Variants in GPR158 observed in about 807,000 individuals in gnomAD.
GPR158 encodes the protein metabotropic glycine receptor.
A neutral mutation model predicts 78.2 loss-of-function variants in GPR158; 30 were observed. The ratio of observed to expected loss-of-function variants is 0.38; its 90% CI spans 0.29 to 0.52. GPR158 has a LOEUF of 0.52. Ranked by LOEUF, GPR158 falls within the 20% of genes least tolerant of loss-of-function variation. The probability of loss-of-function intolerance (pLI) is 0.83; values close to 1 mark genes in which losing one functional copy is unlikely to be tolerated. For synonymous variants in GPR158, 581 were observed against 591.1 expected, an observed-to-expected ratio of 0.98 and a Z score of 0.25; for missense variants, 1,463 against 1,523.5, an observed-to-expected ratio of 0.96 and a Z score of 0.66.
intron 2 of GPR158, among the ~76,000 whole-genome samples, chr10:25,235,988 G>A (rs532461719): frequency 8.5e-5 from 13 of 152,084 alleles, no homozygotes; most frequent in African/African-American, 1.4e-4. Flanking sequence ...GAGCCACTGC[G>A]CCTGGCCTGC....
At chr10:25,204,818 G>GTTTTTTTTTTTTTT (rs1159106958) in intron 1 of GPR158, among the ~76,000 whole-genome samples, 8 of 118,966 alleles carry the variant, frequency 6.7e-5, no homozygotes, top group African/African-American at 2.7e-4. Flanking sequence ...GTCTCTGAGG[G>GTTTTTTTTTTTTTT]TTTTTTTTTT....
chr10:25,585,963 A>T (rs761970446), intron 7 of GPR158, among the ~76,000 whole-genome samples: 3 of 152,166 alleles, frequency 2.0e-5, no homozygotes, highest in Non-Finnish European at 4.4e-5. Flanking sequence ...TGGGTGACAG[A>T]CCAAGACCCT....
At chr10:25,560,326 C>T (rs1400177216) in intron 6 of GPR158, among the ~76,000 whole-genome samples, 2 of 152,134 alleles carry the variant, frequency 1.3e-5, no homozygotes, top group Non-Finnish European at 2.9e-5. Flanking sequence ...AGTGTAGTGG[C>T]GTGATCTCGG....
chr10:25,330,902 T>C (rs926395408), intron 2 of GPR158, among the ~76,000 whole-genome samples: 2 of 152,178 alleles, frequency 1.3e-5, no homozygotes, highest in African/African-American at 4.8e-5. Flanking sequence ...TAATAAATAG[T>C]AATCGAATAG....
At chr10:25,408,400 C>T (rs185216485) in intron 3 of GPR158, among the ~76,000 whole-genome samples, 1 of 152,130 alleles carries the variant, frequency 6.6e-6, no homozygotes, top group South Asian at 2.1e-4. Context: ...TTGGTTGTTT[C>T]TGATGGGAAG....
intron 7 of GPR158, among the ~76,000 whole-genome samples, chr10:25,585,865 G>T (rs1837259380): frequency 6.6e-6 from 1 of 152,148 alleles, no homozygotes; most frequent in East Asian, 1.9e-4. Context: ...TGTAATCTCT[G>T]CTGCTCAGAT....
At chr10:25,485,181 T>C (rs902403078) in intron 5 of GPR158, among the ~76,000 whole-genome samples, 3 of 151,898 alleles carry the variant, frequency 2.0e-5, no homozygotes, top group African/African-American at 7.3e-5. Flanking sequence ...TTCAAAGATA[T>C]TGGAAAAAAT....
chr10:25,416,482 A>C (rs1341961), intron 4 of GPR158, among the ~76,000 whole-genome samples: 106,323 of 151,996 alleles, frequency 0.7, 38,207 homozygotes, highest in Non-Finnish European at 0.8. Context: ...TAGGAAGTTT[A>C]AGCTTCCATC....
At chr10:25,384,648 GT>G (rs984586528) in intron 2 of GPR158, among the ~76,000 whole-genome samples, 9 of 151,790 alleles carry the variant, frequency 5.9e-5, no homozygotes, top group African/African-American at 2.2e-4. Flanking sequence ...GTCCAAGTTA[GT>G]TTTTTTCAGA....
intron 2 of GPR158, among the ~76,000 whole-genome samples, chr10:25,285,821 T>G (rs1854343210): frequency 1.3e-5 from 2 of 152,202 alleles, no homozygotes; most frequent in South Asian, 4.1e-4. Context: ...ACAGGTATGC[T>G]GGCAAAAAAT....
chr10:25,588,331 C>T (rs148430437), intron 7 of GPR158, among the ~76,000 whole-genome samples: 46 of 152,282 alleles, frequency 3.0e-4, no homozygotes, highest in African/African-American at 9.4e-4. Flanking sequence ...ATATCTAACA[C>T]GGTGCTGAAG....
Position 25,293,101 on chromosome 10 carries a change from T to A in GPR158, c.1008+71944T>A, listed in dbSNP as rs1039614703. On this transcript the variant is annotated intron_variant, in intron 2 of 10. Coordinates refer to ENST00000376351, the MANE Select transcript of GPR158 (RefSeq NM_020752.3). ...CTGACCAAGTACATTGATCTCTAAATGAAGCTTTGAGATTTTGCAGCTTTT... is the reference window on the plus strand; with the variant it reads ...CTGACCAAGTACATTGATCTCTAAAAGAAGCTTTGAGATTTTGCAGCTTTT... Among the ~76,000 whole-genome samples the A allele has an allele frequency of 4.1e-4, 63 of 152,218 alleles. 2 individuals are homozygous for A. The highest frequency in any genetic ancestry group is 1.3e-4 in the Admixed American group (2 of 15,292).
intron 4 of GPR158, among the ~76,000 whole-genome samples, chr10:25,429,160 TTC>T (rs1430075653): frequency 6.6e-6 from 1 of 152,102 alleles, no homozygotes; most frequent in African/African-American, 2.4e-5. Flanking sequence ...TACTAGCCAA[TTC>T]TCAGGAATTT....
At chr10:25,340,175 C>G (rs1042648157) in intron 2 of GPR158, among the ~76,000 whole-genome samples, 2 of 152,040 alleles carry the variant, frequency 1.3e-5, no homozygotes, top group African/African-American at 4.8e-5. Flanking sequence ...CTTGGATCCT[C>G]AAGTCCTGGT....
chr10:25,504,929 G>A (rs1835991649), intron 5 of GPR158, among the ~76,000 whole-genome samples: 1 of 152,140 alleles, frequency 6.6e-6, no homozygotes, highest in Non-Finnish European at 1.5e-5. Context: ...GAGAGCATGA[G>A]CTCTAAAGTA....
At chr10:25,386,512 T>C (rs986862607) in intron 2 of GPR158, among the ~76,000 whole-genome samples, 1 of 152,188 alleles carries the variant, frequency 6.6e-6, no homozygotes, top group Non-Finnish European at 1.5e-5. Flanking sequence ...AATCTGTAGT[T>C]TTGCTTTGCT....
intron 1 of GPR158, among the ~76,000 whole-genome samples, chr10:25,197,917 C>T (rs1415875447): frequency 6.6e-6 from 1 of 152,094 alleles, no homozygotes; most frequent in Non-Finnish European, 1.5e-5. Flanking sequence ...TGGTCATATC[C>T]AAAGAGGTTC....
intron 5 of GPR158, among the ~76,000 whole-genome samples, chr10:25,504,802 A>G (rs921933801): frequency 3.3e-5 from 5 of 152,046 alleles, no homozygotes; most frequent in Non-Finnish European, 7.4e-5. Flanking sequence ...TCATTCTATC[A>G]TGTTATCATG....
At chr10:25,344,909 C>A (rs1855352660) in intron 2 of GPR158, among the ~76,000 whole-genome samples, 2 of 151,990 alleles carry the variant, frequency 1.3e-5, no homozygotes, top group African/African-American at 2.4e-5. Flanking sequence ...AAAGTGACTT[C>A]TCACTCTATC....
Sources: gnomAD v4.1 joint callset for allele counts (sites outside exome capture counted in the v4.1 genomes callset) on GRCh38, gnomAD v4.1.1 for gene constraint, MANE v1.5 for transcripts, NCBI Gene and HGNC (gene_info 2026-07-23, HGNC 2026-07-21) for gene names.